COL5A2: variants seen among roughly 807,000 people sequenced by gnomAD.
COL5A2 encodes collagen type V alpha 2 chain, also known as collagen alpha-2(V) chain.
COL5A2 carries 23 observed loss-of-function variants against 208.2 expected under a neutral mutation model. That is an observed-to-expected ratio of 0.11 (90% CI 0.08 to 0.16). The LOEUF (loss-of-function observed/expected upper bound fraction) is 0.16. COL5A2 is among the 10% of genes least tolerant of loss of function. The probability of loss-of-function intolerance (pLI) is 1.00; values close to 1 mark genes in which losing one functional copy is unlikely to be tolerated. For synonymous variants in COL5A2, 625 were observed against 628.5 expected (o/e 0.99, Z 0.08); for missense variants, 1,590 against 1,956.4 (o/e 0.81, Z 3.53).
upstream of COL5A2, among the ~76,000 whole-genome samples, chr2:189,183,650 C>A (rs1206102131): frequency 2.0e-5 from 3 of 152,170 alleles, no homozygotes; most frequent in Non-Finnish European, 2.9e-5. Context: ...GGATACTCTT[C>A]ATTTTCCCTC....
chr2:189,128,594 C>T (rs1049253259), intron 1 of COL5A2, among the ~76,000 whole-genome samples: 3 of 151,834 alleles, frequency 2.0e-5, no homozygotes, highest in African/African-American at 7.2e-5. Flanking sequence ...AATACTGATT[C>T]CTAGGCCCTA....
the COL5A2 span, among the ~76,000 whole-genome samples, chr2:189,409,201 ACT>A: frequency 5.0e-4 from 50 of 99,056 alleles, 2 homozygotes; most frequent in Non-Finnish European, 5.3e-4. Context: ...TTATAAATTT[ACT>A]CTTTTTTTTT....
chr2:189,270,216 T>G, the COL5A2 span, among the ~76,000 whole-genome samples: 1 of 152,166 alleles, frequency 6.6e-6, no homozygotes, highest in Non-Finnish European at 1.5e-5. Flanking sequence ...TTGAAGCGTT[T>G]TTCGCATCTC....
At chr2:189,289,126 G>C in the COL5A2 span, among the ~76,000 whole-genome samples, 1 of 152,086 alleles carries the variant, frequency 6.6e-6, no homozygotes, top group Non-Finnish European at 1.5e-5. Flanking sequence ...CAGATCACCT[G>C]AGGTCAGGAG....
the COL5A2 span, among the ~76,000 whole-genome samples, chr2:189,316,168 C>T: frequency 6.6e-6 from 1 of 152,022 alleles, no homozygotes; most frequent in Non-Finnish European, 1.5e-5. Flanking sequence ...ATGTATGTTC[C>T]TTGAACCACT....
chr2:189,195,391 A>G lies in COL5A2; in HGVS notation c.-42+29757T>C, dbSNP rs188076220. On this transcript the variant is annotated intron_variant, in intron 1 of 10. Coordinates refer to the COL5A2 transcript ENST00000649966. ...ATCGTGAAAATGGCCATGCTGCCCA[A>G]AGTAATTCATAGATTCACTGCTATT... is the stretch of plus-strand genomic sequence containing the variant. Among the ~76,000 whole-genome samples the G allele has an allele frequency of 3.9e-5, 6 of 152,332 alleles. No homozygotes were observed. The East Asian group carries it at 7.7e-4, about 20-fold the overall frequency.
intron 1 of COL5A2, among the ~76,000 whole-genome samples, chr2:189,207,902 C>T (rs1288634396): frequency 6.6e-6 from 1 of 152,150 alleles, no homozygotes; most frequent in Non-Finnish European, 1.5e-5. Flanking sequence ...GATCGCTACT[C>T]TTGCCATTTG....
the COL5A2 span, among the ~76,000 whole-genome samples, chr2:189,382,487 T>C: frequency 3.3e-5 from 5 of 152,344 alleles, no homozygotes; most frequent in African/African-American, 7.2e-5. Flanking sequence ...CTTTGTCATA[T>C]AGTTAATTCT....
At chr2:189,220,534 T>C (rs916811182) in intron 1 of COL5A2, among the ~76,000 whole-genome samples, 10 of 152,066 alleles carry the variant, frequency 6.6e-5, no homozygotes, top group Non-Finnish European at 1.5e-4. Flanking sequence ...CACTTCCACA[T>C]TAGCCAATAT....
At chr2:189,262,288 GT>G in the COL5A2 span, among the ~76,000 whole-genome samples, 3 of 151,964 alleles carry the variant, frequency 2.0e-5, no homozygotes, top group African/African-American at 7.2e-5. Context: ...CCTACCTTCA[GT>G]TTTTTTCTCT....
chr2:189,032,100 A>AT lies in COL5A2; in HGVS notation c.*1969dup, dbSNP rs1372570909. 1.3e-5 allele frequency: 2 copies of AT among 152,182 alleles called. No homozygotes were observed. The highest frequency in any genetic ancestry group is 6.6e-5 in the Admixed American group (1 of 15,266). 9.4% of individuals were successfully genotyped at this position (152,182 alleles called of 1,614,324 possible). On this transcript the variant is annotated 3_prime_UTR_variant, in exon 54 of 54. Coordinates refer to ENST00000374866, the MANE Select transcript of COL5A2 (RefSeq NM_000393.5). Reference sequence around the variant, plus strand: ...TGTATTTAGGCATATAAATACTCAAATTTAAGATATACAGGTCAAAATATA... The same window carrying AT: ...TGTATTTAGGCATATAAATACTCAAATTTTAAGATATACAGGTCAAAATATA...
chr2:189,093,369 G>T (rs774691372), intron 6 of COL5A2, among the ~76,000 whole-genome samples: 1 of 152,096 alleles, frequency 6.6e-6, no homozygotes, highest in Non-Finnish European at 1.5e-5. Context: ...GGTAAATGAA[G>T]TTTAATAGTT....
At chr2:189,311,423 A>T in the COL5A2 span, 6 of 1,127,264 alleles carry the variant, frequency 5.3e-6, no homozygotes, top group Non-Finnish European at 7.9e-6. Context: ...GTAGGTGGTG[A>T]TCTCAGCCTC....
chr2:189,117,987 T>C (rs1022994691), intron 1 of COL5A2, among the ~76,000 whole-genome samples: 13 of 152,126 alleles, frequency 8.5e-5, no homozygotes, highest in Non-Finnish European at 1.8e-4. Context: ...TATGGTAAAG[T>C]CATTTCATAA....
the COL5A2 span, among the ~76,000 whole-genome samples, chr2:189,280,399 G>A: frequency 5.9e-5 from 9 of 152,186 alleles, no homozygotes; most frequent in East Asian, 1.7e-3. Context: ...CACTCTTGTA[G>A]GTATAGGTGC....
At chr2:189,379,663 A>G in the COL5A2 span, among the ~76,000 whole-genome samples, 1 of 152,204 alleles carries the variant, frequency 6.6e-6, no homozygotes, top group African/African-American at 2.4e-5. Flanking sequence ...CACACTATAA[A>G]TATGAAGCAA....
the COL5A2 span, among the ~76,000 whole-genome samples, chr2:189,281,065 C>T: frequency 8.6e-5 from 13 of 151,956 alleles, no homozygotes; most frequent in African/African-American, 1.9e-4. Context: ...TATATTTGCA[C>T]GTTGTGTGGT....
chr2:189,294,732 C>T, the COL5A2 span, among the ~76,000 whole-genome samples: 1 of 152,100 alleles, frequency 6.6e-6, no homozygotes, highest in Admixed American at 6.5e-5. Context: ...ACAAAGATAC[C>T]CTTAAATATC....
At chr2:189,391,991 A>G in the COL5A2 span, among the ~76,000 whole-genome samples, 3 of 152,264 alleles carry the variant, frequency 2.0e-5, no homozygotes, top group East Asian at 5.8e-4. Flanking sequence ...TTCAGTTGAG[A>G]TATTAGTTTG....
Sources: allele counts gnomAD v4.1 joint callset (sites outside exome capture counted in the v4.1 genomes callset), GRCh38; gene constraint gnomAD v4.1.1; transcripts MANE v1.5; gene names NCBI Gene and HGNC (gene_info 2026-07-23, HGNC 2026-07-21).